Variants in PARL observed in about 807,000 individuals in gnomAD.
The protein encoded by PARL is presenilin associated rhomboid like.
Under a neutral mutation model 51.6 loss-of-function variants are expected in PARL, and 44 were observed. The ratio of observed to expected loss-of-function variants is 0.85; its 90% CI spans 0.67 to 1.10. The LOEUF (loss-of-function observed/expected upper bound fraction) is 1.10. Among genes scored for constraint, PARL ranks in the 50% least tolerant of loss-of-function variants. PARL has a pLI of 0.00. For synonymous variants in PARL, 172 were observed against 164.0 expected, an observed-to-expected ratio of 1.05 and a Z score of -0.37; for missense variants, 441 against 469.5, an observed-to-expected ratio of 0.94 and a Z score of 0.56.
rs567175130 is a variant in PARL, at chr3:183,884,729, C to T, written c.118G>A (p.Gly40Arg). The T allele has an allele frequency of 1.9e-6, 3 of 1,589,296 alleles. No homozygotes were observed. In the African/African-American group the frequency reaches 4.0e-5, roughly 21 times the overall value. ...GAGCGCGGCGGCTATTACCTGCGTC[C>T]GAGGAGCTGCGGCGGGGTTAGGACC... ...TAVLTPPQLL[G>R]RRFNFFIQQK... is the part of the protein sequence containing the mutation. Residue 40 changes from glycine to arginine, a missense_variant, in exon 1 of 10, where the codon GGA becomes AGA. Coordinates refer to ENST00000317096, the MANE Select transcript of PARL (RefSeq NM_018622.7).
intron 3 of PARL, among the ~76,000 whole-genome samples, chr3:183,865,295 G>T (rs1046535027): frequency 6.6e-6 from 1 of 152,072 alleles, no homozygotes; most frequent in African/African-American, 2.4e-5. Context: ...GTGACAGAGT[G>T]GGACGCTGTC....
intron 1 of PARL, among the ~76,000 whole-genome samples, chr3:183,883,290 A>G (rs1184979916): frequency 6.6e-6 from 1 of 152,142 alleles, no homozygotes; most frequent in Non-Finnish European, 1.5e-5. Context: ...TTTATTTTAC[A>G]TGGAGTCTCA....
intron 4 of PARL, among the ~76,000 whole-genome samples, chr3:183,853,747 G>A (rs1414473613): frequency 6.6e-6 from 1 of 152,088 alleles, no homozygotes; most frequent in Non-Finnish European, 1.5e-5. Context: ...TCATCAAGAT[G>A]GCTACTGTCA....
intron 1 of PARL, among the ~76,000 whole-genome samples, chr3:183,875,346 T>C (rs1283956884): frequency 1.5e-5 from 2 of 130,126 alleles, no homozygotes; most frequent in African/African-American, 3.0e-5. Context: ...ACCTGGGAGA[T>C]GGAGGCTGCA....
chr3:183,884,830 C>T lies in PARL; in HGVS notation c.17G>A (p.Trp6Ter), dbSNP rs752167707. The T allele has an allele frequency of 3.8e-6, 6 of 1,597,326 alleles. No homozygotes were observed. The highest frequency in any genetic ancestry group is 1.3e-5 in the African/African-American group (1 of 74,836). MAWRG[W>*]AQRGWGCGQA... The stretch of plus-strand genomic sequence containing the variant: ...GCCGCAGCCCCAGCCTCTCTGCGCC[C>T]AGCCTCGCCACGCCATCTTCCCAAC... Residue 6 changes from tryptophan to a stop codon, truncating the protein, a stop_gained, in exon 1 of 10, where the codon TGG becomes TAG. Transcript: ENST00000317096. LOFTEE classifies it high-confidence loss of function.
intron 1 of PARL, among the ~76,000 whole-genome samples, chr3:183,871,734 G>A (rs979430113): frequency 5.9e-5 from 9 of 152,162 alleles, no homozygotes; most frequent in Non-Finnish European, 1.0e-4. Context: ...GGCTTGACAG[G>A]AAAGGAGCAA....
intron 4 of PARL, among the ~76,000 whole-genome samples, chr3:183,851,872 A>G (rs965901738): frequency 4.6e-5 from 7 of 152,298 alleles, no homozygotes; most frequent in Non-Finnish European, 1.0e-4. Flanking sequence ...AAAAAAAAGG[A>G]AAATAGGCCA....
chr3:183,878,187 T>G (rs920290214), intron 1 of PARL, among the ~76,000 whole-genome samples: 1 of 152,158 alleles, frequency 6.6e-6, no homozygotes, highest in Non-Finnish European at 1.5e-5. Flanking sequence ...CTGCTTGCTC[T>G]TTCACCGCCC....
intron 1 of PARL, among the ~76,000 whole-genome samples, chr3:183,877,208 C>T (rs1269861797): frequency 6.6e-6 from 1 of 151,912 alleles, no homozygotes; most frequent in Non-Finnish European, 1.5e-5. Context: ...GAGTGAAACT[C>T]CATCTCGAAA....
intron 4 of PARL, among the ~76,000 whole-genome samples, chr3:183,846,007 G>A (rs1456898753): frequency 2.0e-5 from 3 of 152,088 alleles, no homozygotes; most frequent in Non-Finnish European, 4.4e-5. Flanking sequence ...TGGGGTCCCT[G>A]ATCCTGCCTA....
chr3:183,846,019 T>C (rs116799310), intron 4 of PARL, among the ~76,000 whole-genome samples: 1,838 of 152,202 alleles, frequency 0.012, 38 homozygotes, highest in African/African-American at 0.042. Context: ...TCCTGCCTAC[T>C]AGGCTGAAAA....
At chr3:183,856,944 C>A (rs1367560481) in intron 4 of PARL, among the ~76,000 whole-genome samples, 1 of 152,172 alleles carries the variant, frequency 6.6e-6, no homozygotes, top group African/African-American at 2.4e-5. Context: ...GTACAGAGAT[C>A]TATATATAAG....
At chr3:183,845,172 T>C (rs1340527501) in intron 4 of PARL, among the ~76,000 whole-genome samples, 5 of 152,332 alleles carry the variant, frequency 3.3e-5, no homozygotes, top group African/African-American at 1.2e-4. Context: ...CAATAAGGAC[T>C]GATTTCAATA....
chr3:183,832,158 T>C (rs1404998380), intron 9 of PARL, among the ~76,000 whole-genome samples: 1 of 152,150 alleles, frequency 6.6e-6, no homozygotes, highest in Admixed American at 6.5e-5. Flanking sequence ...AAATTATAAA[T>C]GGCATAATGG....
At position 183,829,658 on chromosome 3, in the gene PARL, T is replaced by G. The variant is rs552981853; in HGVS notation, c.1080A>C (p.Leu360=). 6.2e-7 allele frequency: 1 copy of G among 1,614,164 alleles called. No homozygotes were observed. Among genetic ancestry groups the G allele is most frequent in the East Asian group, 2.2e-5 (1 of 44,876 alleles). ...TCCTTATTTCATGCCAGATTTTCACTAGCGGCTCCCTGTTCTTCCAAATCA... is the reference window on the plus strand; with the variant it reads ...TCCTTATTTCATGCCAGATTTTCACGAGCGGCTCCCTGTTCTTCCAAATCA... ...HELIWKNREP[L]VKIWHEIRTN... Residue 360 remains leucine (L), a synonymous_variant, in exon 10 of 10, where the codon CTA becomes CTC. Transcript: ENST00000317096.
At chr3:183,871,557 G>T (rs1733219468) in intron 1 of PARL, among the ~76,000 whole-genome samples, 1 of 147,044 alleles carries the variant, frequency 6.8e-6, no homozygotes, top group African/African-American at 2.5e-5. Context: ...GGGTGGGGAA[G>T]AACTAATCAT....
chr3:183,829,923 T>C (rs1482793661), intron 9 of PARL, among the ~76,000 whole-genome samples: 1 of 152,230 alleles, frequency 6.6e-6, no homozygotes, highest in Non-Finnish European at 1.5e-5. Flanking sequence ...TGCTCCGCAG[T>C]GTGTGAGTAC....
intron 9 of PARL, among the ~76,000 whole-genome samples, chr3:183,831,690 TATAAGTGG>T (rs1242884031): frequency 3.9e-5 from 6 of 152,152 alleles, no homozygotes; most frequent in Non-Finnish European, 5.9e-5. Flanking sequence ...CAGGGAAATG[TATAAGTGG>T]ATACTAATGG....
chr3:183,864,246 T>C (rs1264058776), intron 3 of PARL, among the ~76,000 whole-genome samples: 2 of 152,208 alleles, frequency 1.3e-5, no homozygotes, highest in African/African-American at 2.4e-5. Context: ...TTTCCCTACT[T>C]AGAGAAAACT....
Sources: gnomAD v4.1 joint callset for allele counts (sites outside exome capture counted in the v4.1 genomes callset) on GRCh38, gnomAD v4.1.1 for gene constraint, MANE v1.5 for transcripts, NCBI Gene and HGNC (gene_info 2026-07-23, HGNC 2026-07-21) for gene names.